SPG11: variants seen among roughly 807,000 people sequenced by gnomAD.
SPG11 encodes the protein SPG11 vesicle trafficking associated, spatacsin, also known as spatacsin.
Under a neutral mutation model 274.0 loss-of-function variants are expected in SPG11, and 222 were observed. The ratio of observed to expected loss-of-function variants is 0.81; its 90% confidence interval spans 0.73 to 0.91. SPG11 has a LOEUF of 0.91. Ranked by LOEUF, SPG11 falls within the 40% of genes least tolerant of loss-of-function variation. SPG11 has a pLI of 0.00. For missense variants in SPG11, 3,114 were observed against 2,872.7 expected, an observed-to-expected ratio of 1.08 and a Z score of -1.92; for synonymous variants, 1,144 against 1,039.7, an observed-to-expected ratio of 1.10 and a Z score of -1.93.
chr15:44,577,436 G>T (rs1473307394), intron 30 of SPG11, among the ~76,000 whole-genome samples: 1 of 147,088 alleles, frequency 6.8e-6, no homozygotes, highest in Non-Finnish European at 1.5e-5. Context: ...CCTGGAGGTT[G>T]AGTCTGCAGT....
chr15:44,601,941 G>C (rs1371884225), intron 20 of SPG11, among the ~76,000 whole-genome samples: 1 of 152,074 alleles, frequency 6.6e-6, no homozygotes, highest in East Asian at 1.9e-4. Context: ...TGACCTCTTT[G>C]ATTAAATTTA....
intron 28 of SPG11, among the ~76,000 whole-genome samples, chr15:44,587,408 G>A (rs1437901208): frequency 1.3e-5 from 2 of 152,136 alleles, no homozygotes; most frequent in African/African-American, 4.8e-5. Flanking sequence ...ACATATTCCT[G>A]GCTGGGCACA....
At chr15:44,641,972 A>G (rs528099356) in intron 7 of SPG11, among the ~76,000 whole-genome samples, 9 of 151,924 alleles carry the variant, frequency 5.9e-5, no homozygotes, top group African/African-American at 2.2e-4. Context: ...AGATAAAGAC[A>G]TATTATACAG....
rs552661074 is a variant in SPG11 at position 44,569,117 on chromosome 15, A to G, written c.6585+281T>C. Among the ~76,000 whole-genome samples the G allele has an allele frequency of 3.1e-4, 47 of 151,310 alleles. No homozygotes were observed. The South Asian group carries it at 9.9e-3, about 32-fold the overall frequency. ...CCTGGGGGGCGGATGTTGCGCCGAG[A>G]TCACGCCATTTGCACTCCAGCCTGA... On this transcript the variant is annotated intron_variant, in intron 35 of 39. Coordinates refer to ENST00000261866, the MANE Select transcript of SPG11 (RefSeq NM_025137.4).
At chr15:44,597,054 G>T in intron 23 of SPG11, 111 bp from the exon 24 acceptor site, 1 of 966,494 alleles carries the variant, frequency 1.0e-6, no homozygotes, top group Non-Finnish European at 1.6e-6. Flanking sequence ...TTAAAGCACA[G>T]TGTATTCTCC....
At chr15:44,629,847 G>A (rs1262657348) in intron 8 of SPG11, among the ~76,000 whole-genome samples, 1 of 151,900 alleles carries the variant, frequency 6.6e-6, no homozygotes, top group African/African-American at 2.4e-5. Context: ...AAGGCAAGCA[G>A]ATCACTTGAG....
chr15:44,647,023 G>A (rs571890296), intron 7 of SPG11, among the ~76,000 whole-genome samples: 8 of 152,018 alleles, frequency 5.3e-5, no homozygotes, highest in African/African-American at 1.7e-4. Context: ...CCCAAAGAAC[G>A]GGAGAAAGTA....
In SPG11 at chr15:44,621,824, T is replaced by C; in HGVS notation, c.2555A>G (p.Asn852Ser). The C allele has an allele frequency of 3.7e-6, 6 of 1,614,030 alleles. No individual in the cohort carries two copies. Among genetic ancestry groups the C allele is most frequent in the Non-Finnish European group, 5.1e-6 (6 of 1,179,948 alleles). The change falls in exon 14 of 40, where the codon AAT becomes AGT. Residue 852 changes from asparagine (N) to serine (S), a missense_variant. By Grantham distance (46) the Asn-to-Ser change is conservative. Transcript: ENST00000261866. ...FNKQDHRIVL[N>S]WALWWDQLTQ... Reference sequence around the variant, plus strand: ...TAGTTGATCCCACCACAGAGCCCAATTTAACACAATTCTATGGTCCTGTTT... The same window carrying C: ...TAGTTGATCCCACCACAGAGCCCAACTTAACACAATTCTATGGTCCTGTTT...
chr15:44,571,236 C>T (rs1367603771), intron 33 of SPG11, among the ~76,000 whole-genome samples: 4 of 152,184 alleles, frequency 2.6e-5, no homozygotes, highest in Non-Finnish European at 5.9e-5. Context: ...CTGCAGGGCC[C>T]TCTCCAGTCC....
chr15:44,633,565 A>T lies in SPG11; in HGVS notation c.1675T>A (p.Ser559Thr), dbSNP rs773680273. The T allele has an allele frequency of 5.0e-6, 8 of 1,612,636 alleles. No homozygotes were observed. The highest frequency in any genetic ancestry group is 6.8e-6 in the Non-Finnish European group (8 of 1,178,872). Residue 559 changes from serine (S) to threonine (T), a missense_variant, in exon 8 of 40, where the codon TCC (serine) becomes ACC (threonine). Coordinates refer to ENST00000261866, the MANE Select transcript of SPG11 (RefSeq NM_025137.4). ...TGATCAGATACAGAAGATTTTGAGG[A>T]TGGATTAAAAAGATTTTCCTTGCTC... is the stretch of plus-strand genomic sequence containing the variant. ...LKSKENLFNPSSKSSVSDQFD... is the reference protein window; with the variant it reads ...LKSKENLFNPTSKSSVSDQFD...
At chr15:44,597,094 T>A in intron 23 of SPG11, 151 bp from the exon 24 acceptor site, 1 of 736,542 alleles carries the variant, frequency 1.4e-6, no homozygotes, top group South Asian at 1.9e-5. Context: ...TTAGGCTACT[T>A]TGAAAAAAGT....
intron 11 of SPG11, among the ~76,000 whole-genome samples, chr15:44,624,405 T>C (rs977117783): frequency 6.6e-6 from 1 of 151,912 alleles, no homozygotes; most frequent in Admixed American, 6.6e-5. Flanking sequence ...GATATTATGC[T>C]AAATGAAATA....
chr15:44,586,715 A>T (rs1161380205), intron 28 of SPG11, among the ~76,000 whole-genome samples: 2 of 152,174 alleles, frequency 1.3e-5, no homozygotes, highest in African/African-American at 4.8e-5. Context: ...TATACAGGGC[A>T]GAGGTTGGTG....
intron 19 of SPG11, among the ~76,000 whole-genome samples, chr15:44,606,728 C>A (rs1326365019): frequency 1.3e-5 from 2 of 152,028 alleles, no homozygotes. Context: ...TTGGATGGCC[C>A]AAAATAGAGT....
chr15:44,592,420 C>A lies in SPG11; in HGVS notation c.4654G>T (p.Val1552Leu), dbSNP rs1413434482. 6.2e-7 allele frequency: 1 copy of A among 1,601,854 alleles called. No homozygotes were observed. Among genetic ancestry groups the A allele is most frequent in the Non-Finnish European group, 8.6e-7 (1 of 1,168,856 alleles). Reference protein sequence around the residue: ...LFFKDSPLLLVMEMYELCMFF... With the variant: ...LFFKDSPLLLLMEMYELCMFF... ...ATACACAGTTCATACATCTCCATCA[C>A]CAGTAGTAACGGGGAATCCTTTGAC... The change falls in exon 27 of 40, where the codon GTG (valine) becomes TTG (leucine). Residue 1552 changes from valine (V) to leucine (L), a missense_variant. Transcript: ENST00000261866.
intron 7 of SPG11, among the ~76,000 whole-genome samples, chr15:44,644,591 AAG>A (rs1368089614): frequency 1.3e-5 from 2 of 152,204 alleles, no homozygotes; most frequent in African/African-American, 2.4e-5. Context: ...AGGCAAGAGA[AAG>A]AAATAAAAGG....
At chr15:44,605,657 G>A (rs1444840677) in intron 20 of SPG11, among the ~76,000 whole-genome samples, 1 of 152,190 alleles carries the variant, frequency 6.6e-6, no homozygotes, top group African/African-American at 2.4e-5. Flanking sequence ...AAAGAGGTTA[G>A]ATCACATGAC....
chr15:44,639,294 C>CACAT (rs2084371710), intron 7 of SPG11, among the ~76,000 whole-genome samples: 1 of 151,748 alleles, frequency 6.6e-6, no homozygotes, highest in Admixed American at 6.6e-5. Flanking sequence ...CACACACACA[C>CACAT]ACACACACAC....
At chr15:44,596,734 A>C (rs763989303) in intron 24 of SPG11, 50 bp downstream of exon 24, 6 of 1,548,340 alleles carry the variant, frequency 3.9e-6, no homozygotes, top group Non-Finnish European at 4.4e-6. Context: ...CTATCTTCTA[A>C]GAAGTGTTCC....
Sources: gnomAD v4.1 joint callset for allele counts (sites outside exome capture counted in the v4.1 genomes callset) on GRCh38, gnomAD v4.1.1 for gene constraint, MANE v1.5 for transcripts, NCBI Gene and HGNC (gene_info 2026-07-23, HGNC 2026-07-21) for gene names.